Variants in ELOVL6 observed in about 807,000 individuals in gnomAD.
ELOVL6 encodes the protein ELOVL fatty acid elongase 6.
A neutral mutation model predicts 31.7 loss-of-function variants in ELOVL6; 8 were observed. The observed-to-expected ratio is 0.25, with a 90% CI of 0.15 to 0.45. The LOEUF (loss-of-function observed/expected upper bound fraction) is 0.45, where lower values mean the gene tolerates loss of function less well. Among genes scored for constraint, ELOVL6 ranks in the 20% least tolerant of loss-of-function variants. The probability of loss-of-function intolerance (pLI) is 1.00; values close to 1 mark genes in which losing one functional copy is unlikely to be tolerated. For synonymous variants in ELOVL6, 101 were observed against 117.7 expected (o/e 0.86, Z 0.92); for missense variants, 126 against 326.4 (o/e 0.39, Z 4.73).
chr4:110,096,870 T>C (rs1229530489), intron 2 of ELOVL6, among the ~76,000 whole-genome samples: 2 of 152,128 alleles, frequency 1.3e-5, no homozygotes, highest in Non-Finnish European at 2.9e-5. Context: ...GTTAGGCAGT[T>C]ATGTGAATGT....
Position 110,198,581 on chromosome 4 carries a change from A to G in ELOVL6, c.-246T>C, listed in dbSNP as rs1002072218. The G allele has an allele frequency of 4.4e-6, 2 of 457,888 alleles. No homozygotes were observed. Among genetic ancestry groups the G allele is most frequent in the Non-Finnish European group, 7.7e-6 (2 of 258,504 alleles). 28.4% of individuals were successfully genotyped at this position (457,888 alleles called of 1,614,324 possible). ...TCTCCTCCTCCCGGCGTCCGCATCC[A>G]CCGTAGGAGGAAATGAATGCCTTGC... On this transcript the variant is annotated 5_prime_UTR_variant, in exon 1 of 4. Coordinates refer to ENST00000302274, the MANE Select transcript of ELOVL6 (RefSeq NM_024090.3).
intron 1 of ELOVL6, among the ~76,000 whole-genome samples, chr4:110,190,215 T>C (rs375644242): frequency 2.0e-5 from 3 of 152,200 alleles, no homozygotes; most frequent in African/African-American, 2.4e-5. Context: ...CAAATTTATC[T>C]TAGCAAAGGT....
chr4:110,082,799 C>A (rs1755907749), intron 2 of ELOVL6, among the ~76,000 whole-genome samples: 1 of 152,208 alleles, frequency 6.6e-6, no homozygotes, highest in South Asian at 2.1e-4. Context: ...GCTTTTCTCA[C>A]AGCGCATCCC....
chr4:110,171,411 AAAATAAATAAATAAATAAAT>A (rs59222203), intron 1 of ELOVL6, among the ~76,000 whole-genome samples: 4 of 146,408 alleles, frequency 2.7e-5, no homozygotes, highest in Non-Finnish European at 6.0e-5. Context: ...CTCCATCTCA[AAAATAAATAAATAAATAAAT>A]AAATAAATAA....
At chr4:110,111,464 C>T (rs551630302) in intron 1 of ELOVL6, among the ~76,000 whole-genome samples, 1 of 150,878 alleles carries the variant, frequency 6.6e-6, no homozygotes, top group African/African-American at 2.4e-5. Flanking sequence ...TAAGCCATGG[C>T]CAAGAAATTT....
At chr4:110,139,761 A>G (rs759603004) in intron 1 of ELOVL6, among the ~76,000 whole-genome samples, 9 of 152,088 alleles carry the variant, frequency 5.9e-5, no homozygotes, top group Non-Finnish European at 1.3e-4. Context: ...TTCGACAGGT[A>G]CCACCCTCTA....
In ELOVL6 at chr4:110,049,518, A is replaced by C. The variant is rs1316887863; in HGVS notation, c.*1820T>G. 6.6e-6 allele frequency: 1 copy of C among 152,594 alleles called. No individual in the cohort carries two copies. The highest frequency in any genetic ancestry group is 1.5e-5 in the Non-Finnish European group (1 of 68,044). 9.5% of individuals were successfully genotyped at this position (152,594 alleles called of 1,614,324 possible). On this transcript the variant is annotated 3_prime_UTR_variant, in exon 4 of 4. Coordinates refer to ENST00000302274, the MANE Select transcript of ELOVL6 (RefSeq NM_024090.3). The stretch of plus-strand genomic sequence containing the variant: ...CGACAGCACAATTAAAGCTAAAATA[A>C]TATAAAAATAATTCGAAAAAATCCC...
intron 1 of ELOVL6, among the ~76,000 whole-genome samples, chr4:110,186,007 T>C (rs897689108): frequency 6.6e-6 from 1 of 152,052 alleles, no homozygotes; most frequent in Non-Finnish European, 1.5e-5. Flanking sequence ...CTGGCTAACA[T>C]GGTGAAACCC....
intron 1 of ELOVL6, among the ~76,000 whole-genome samples, chr4:110,188,148 A>G (rs1759502810): frequency 6.6e-6 from 1 of 152,206 alleles, no homozygotes; most frequent in African/African-American, 2.4e-5. Flanking sequence ...GTCTGGCTGC[A>G]GATCAGATGG....
intron 2 of ELOVL6, among the ~76,000 whole-genome samples, chr4:110,079,907 A>T (rs371524101): frequency 6.6e-6 from 1 of 151,918 alleles, no homozygotes; most frequent in South Asian, 2.1e-4. Flanking sequence ...GATAAAGGGG[A>T]TATCACCACC....
intron 2 of ELOVL6, among the ~76,000 whole-genome samples, chr4:110,102,968 C>T (rs969651482): frequency 5.3e-5 from 8 of 151,966 alleles, no homozygotes; most frequent in Non-Finnish European, 8.8e-5. Flanking sequence ...GTAATCGAAT[C>T]ATAGGGGCTG....
chr4:110,093,522 A>G (rs1756482299), intron 2 of ELOVL6, among the ~76,000 whole-genome samples: 1 of 152,220 alleles, frequency 6.6e-6, no homozygotes, highest in East Asian at 1.9e-4. Context: ...TCATATTTGC[A>G]TATATCACTC....
At chr4:110,112,115 A>T (rs1322803461) in intron 1 of ELOVL6, among the ~76,000 whole-genome samples, 1 of 147,438 alleles carries the variant, frequency 6.8e-6, no homozygotes, top group African/African-American at 2.6e-5. Context: ...GAACTGCTGG[A>T]TGAAGTCATG....
intron 1 of ELOVL6, among the ~76,000 whole-genome samples, chr4:110,113,759 C>T (rs911417529): frequency 3.9e-5 from 6 of 152,020 alleles, no homozygotes; most frequent in Admixed American, 1.3e-4. Flanking sequence ...GATAGTAAAA[C>T]AAAACTCTTG....
intron 1 of ELOVL6, among the ~76,000 whole-genome samples, chr4:110,143,022 T>C (rs1408409848): frequency 6.6e-6 from 1 of 152,154 alleles, no homozygotes; most frequent in Non-Finnish European, 1.5e-5. Flanking sequence ...AGTTAGAAGC[T>C]AATAGCCTAC....
chr4:110,155,090 T>C (rs1216095039), intron 1 of ELOVL6, among the ~76,000 whole-genome samples: 2 of 152,318 alleles, frequency 1.3e-5, no homozygotes, highest in Non-Finnish European at 2.9e-5. Flanking sequence ...TATATACTAA[T>C]ATATAATTGC....
intron 2 of ELOVL6, among the ~76,000 whole-genome samples, chr4:110,084,144 A>ATATAACATATATG: frequency 9.0e-6 from 1 of 111,038 alleles, no homozygotes; most frequent in South Asian, 2.6e-4. Context: ...AATGATATAT[A>ATATAACATATATG]TGATATATAT....
At chr4:110,112,369 A>C (rs112724536) in intron 1 of ELOVL6, among the ~76,000 whole-genome samples, 18 of 152,370 alleles carry the variant, frequency 1.2e-4, no homozygotes, top group African/African-American at 4.3e-4. Context: ...CCGCTAGGCT[A>C]ATCACAGCAT....
intron 1 of ELOVL6, among the ~76,000 whole-genome samples, chr4:110,175,823 C>A (rs539712122): frequency 6.1e-4 from 93 of 152,226 alleles, no homozygotes; most frequent in African/African-American, 2.1e-3. Context: ...TAAGTGAGAT[C>A]TTTATTATGT....
Sources: allele counts gnomAD v4.1 joint callset (sites outside exome capture counted in the v4.1 genomes callset), GRCh38; gene constraint gnomAD v4.1.1; transcripts MANE v1.5; gene names NCBI Gene and HGNC (gene_info 2026-07-23, HGNC 2026-07-21).